SARDH: variants seen among roughly 807,000 people sequenced by gnomAD.
The protein encoded by SARDH is sarcosine dehydrogenase, mitochondrial.
Under a neutral mutation model 109.1 loss-of-function variants are expected in SARDH, and 95 were observed. The ratio of observed to expected loss-of-function variants is 0.87; its 90% CI spans 0.74 to 1.03. The LOEUF is 1.03. Among genes scored for constraint, SARDH ranks in the 50% least tolerant of loss-of-function variants. The probability of loss-of-function intolerance (pLI) is 0.00; values close to 1 mark genes in which losing one functional copy is unlikely to be tolerated. For synonymous variants in SARDH, 572 were observed against 534.8 expected (o/e 1.07, Z -0.96); for missense variants, 1,267 against 1,287.8 (o/e 0.98, Z 0.25).
chr9:133,669,820 G>A (rs910813305), intron 19 of SARDH, among the ~76,000 whole-genome samples: 7 of 152,346 alleles, frequency 4.6e-5, no homozygotes, highest in South Asian at 4.1e-4. Flanking sequence ...GAACCAGAAC[G>A]GGATGGGAGG....
intron 17 of SARDH, among the ~76,000 whole-genome samples, chr9:133,678,366 CA>C (rs1273386674): frequency 6.6e-6 from 1 of 152,234 alleles, no homozygotes; most frequent in Non-Finnish European, 1.5e-5. Flanking sequence ...CTGACCTCCT[CA>C]TCCCCTCTTG....
chr9:133,667,872 CA>C (rs1270598254), intron 19 of SARDH, among the ~76,000 whole-genome samples: 1 of 152,158 alleles, frequency 6.6e-6, no homozygotes, highest in African/African-American at 2.4e-5. Context: ...GCTGAGGCCC[CA>C]ACTGCCCGGA....
chr9:133,734,415 A>G (rs1353862198), intron 1 of SARDH, among the ~76,000 whole-genome samples: 3 of 64,226 alleles, frequency 4.7e-5, no homozygotes, highest in African/African-American at 9.7e-5. Context: ...TCACTCATTC[A>G]TTCATTCATT....
At chr9:133,722,644 T>G (rs1234389033) in intron 6 of SARDH, among the ~76,000 whole-genome samples, 1 of 10,948 alleles carries the variant, frequency 9.1e-5, no homozygotes, top group Non-Finnish European at 4.5e-4. Flanking sequence ...CTACTAGCGC[T>G]CTCTCTCTCT....
At chr9:133,736,391 T>TC (rs1832887689) in intron 1 of SARDH, among the ~76,000 whole-genome samples, 1 of 36,724 alleles carries the variant, frequency 2.7e-5, no homozygotes, top group Admixed American at 3.2e-4. Context: ...GTTGTTGTTG[T>TC]TGTTTGTTTG....
chr9:133,687,648 A>G (rs1176064467), intron 16 of SARDH, among the ~76,000 whole-genome samples: 1 of 151,994 alleles, frequency 6.6e-6, no homozygotes, highest in Non-Finnish European at 1.5e-5. Context: ...CACTAGCCAC[A>G]TTTCAAAGGC....
intron 17 of SARDH, among the ~76,000 whole-genome samples, chr9:133,677,410 G>A (rs1034697410): frequency 4.6e-5 from 7 of 152,174 alleles, no homozygotes; most frequent in African/African-American, 1.7e-4. Flanking sequence ...TCACCTGGGT[G>A]CAGCTTGAGG....
At position 133,698,009 on chromosome 9, in the gene SARDH, T is replaced by TAAAAAA. The variant is rs371381068; in HGVS notation, c.1669-1654_1669-1649dup. ...ATATAGGAAATCCTAAGGAATCCAC[T>TAAAAAA]AAAAAAAAAAAAGAAAAAAAAGAAA... On this transcript the variant is annotated intron_variant, in intron 13 of 20. Coordinates refer to ENST00000439388, the MANE Select transcript of SARDH (RefSeq NM_001134707.2). 2.0e-4 allele frequency among the ~76,000 whole-genome samples: 19 copies of TAAAAAA among 95,700 alleles called. 2 individuals are homozygous for TAAAAAA. Among genetic ancestry groups the TAAAAAA allele is most frequent in the East Asian group, 1.6e-3 (5 of 3,186 alleles). The allele number at this position is 95,700 out of a possible 152,430, so 62.8% of individuals were successfully genotyped here. A position where few individuals can be genotyped will look rare whatever the true frequency, so the allele number is the denominator to read the frequency against.
chr9:133,729,741 C>T (rs757925476), intron 6 of SARDH, 24 bp downstream of exon 6: 86 of 1,599,832 alleles, frequency 5.4e-5, no homozygotes, highest in Middle Eastern at 3.3e-4. Flanking sequence ...CAGACTGACA[C>T]AGAACCCGGG....
intron 11 of SARDH, among the ~76,000 whole-genome samples, chr9:133,706,466 G>T (rs1831700568): frequency 6.6e-6 from 1 of 152,172 alleles, no homozygotes; most frequent in Admixed American, 6.5e-5. Flanking sequence ...ATGAGGAAGG[G>T]CTGTTTACTG....
At chr9:133,713,228 C>G in intron 8 of SARDH, 104 bp from the exon 9 acceptor site, 3 of 917,404 alleles carry the variant, frequency 3.3e-6, no homozygotes, top group Non-Finnish European at 5.0e-6. Flanking sequence ...GCAGGGGCCC[C>G]TCCACCCAAC....
chr9:133,722,759 G>C lies in SARDH; in HGVS notation c.916-3717C>G, dbSNP rs141743302. Among the ~76,000 whole-genome samples the C allele has an allele frequency of 9.0e-3, 1,360 of 151,408 alleles. 18 individuals carry two copies. Among genetic ancestry groups the C allele is most frequent in the African/African-American group, 0.031 (1,267 of 41,210 alleles). The stretch of plus-strand genomic sequence containing the variant: ...GTGCCATCTCAACTCACTGCAACCT[G>C]CACCTCCTGGGTTCAAGTGATTCTC... On this transcript the variant is annotated intron_variant, in intron 6 of 20. Transcript: ENST00000439388.
At chr9:133,675,349 TAA>T (rs34271750) in intron 17 of SARDH, among the ~76,000 whole-genome samples, 113 of 145,308 alleles carry the variant, frequency 7.8e-4, no homozygotes, top group East Asian at 2.0e-3. Context: ...AGACTCCATT[TAA>T]AAAAAAAAAA....
chr9:133,735,315 GT>G (rs1350809161), intron 1 of SARDH, among the ~76,000 whole-genome samples: 2 of 152,298 alleles, frequency 1.3e-5, no homozygotes, highest in Non-Finnish European at 2.9e-5. Context: ...CAGAAGCCGG[GT>G]TAACAGGCCT....
At chr9:133,683,096 T>C (rs1439429754) in intron 17 of SARDH, among the ~76,000 whole-genome samples, 2 of 152,190 alleles carry the variant, frequency 1.3e-5, no homozygotes, top group Non-Finnish European at 1.5e-5. Context: ...AGCAGAGCCT[T>C]TGGGTCAGCT....
chr9:133,691,169 AACACACACAC>A lies in SARDH; in HGVS notation c.1922-652_1922-643del, dbSNP rs3081171. Among the ~76,000 whole-genome samples, 265 of 112,190 alleles carry A rather than the reference AACACACACAC, an allele frequency of 2.4e-3. 1 individual carries two copies. The East Asian group carries it at 0.025, about 11-fold the overall frequency. The allele number at this position is 112,190 out of a possible 152,430, so 73.6% of individuals were successfully genotyped here. On this transcript the variant is annotated intron_variant, in intron 15 of 20. Transcript: ENST00000439388. The stretch of plus-strand genomic sequence containing the variant: ...ACAGACACCCTACCTCACCTCCCCC[AACACACACAC>A]ACACACACACACACACACACACACA...
rs767784422 is a variant in SARDH at position 133,708,422 on chromosome 9, G to C, written c.1335C>G (p.Phe445Leu). ...KDMHGYDIRR[F>L]HHSLTDHPRW... ...GGGGGTGGTCCGTGAGCGAGTGATG[G>C]AAGCGCCTGCCGCAGACAGGGGGAC... The change falls in exon 11 of 21, where the codon TTC becomes TTG. Residue 445 changes from phenylalanine to leucine, a missense_variant. Coordinates refer to ENST00000439388, the MANE Select transcript of SARDH (RefSeq NM_001134707.2). 1 of 1,609,692 alleles carries C rather than the reference G, an allele frequency of 6.2e-7. No homozygotes were observed. Among genetic ancestry groups the C allele is most frequent in the Non-Finnish European group, 8.5e-7 (1 of 1,178,544 alleles).
At chr9:133,662,935 C>T (rs920573554), downstream of SARDH, among the ~76,000 whole-genome samples, 1 of 152,208 alleles carries the variant, frequency 6.6e-6, no homozygotes, top group South Asian at 2.1e-4. This position sits in a 1 kb window ranked among gnomAD's most constrained non-coding sequence, Gnocchi z 5.1. Flanking sequence ...AGAGCTGCTT[C>T]TGACACACAG....
At chr9:133,733,731 T>G in intron 2 of SARDH, 112 bp downstream of exon 2, 1 of 1,079,434 alleles carries the variant, frequency 9.3e-7, no homozygotes, top group Non-Finnish European at 1.2e-6. Flanking sequence ...TTCCCCAGGG[T>G]CTCTTCCCCA....
Sources: allele counts gnomAD v4.1 joint callset (sites outside exome capture counted in the v4.1 genomes callset), GRCh38; gene constraint gnomAD v4.1.1; non-coding constraint Gnocchi (gnomAD v3.1); transcripts MANE v1.5; gene names NCBI Gene and HGNC (gene_info 2026-07-23, HGNC 2026-07-21).